Variants in CFAP251 observed in about 807,000 individuals in gnomAD.
The protein encoded by CFAP251 is cilia- and flagella-associated protein 251.
In CFAP251, 93 loss-of-function variants were observed where a neutral mutation model predicts 126.7. That is an observed-to-expected ratio of 0.73 (90% CI 0.62 to 0.87). The LOEUF (loss-of-function observed/expected upper bound fraction) is 0.87. Among genes scored for constraint, CFAP251 ranks in the 40% least tolerant of loss-of-function variants. The pLI is 0.00. For synonymous variants in CFAP251, 503 were observed against 506.9 expected (o/e 0.99, Z 0.10); for missense variants, 1,287 against 1,389.2 (o/e 0.93, Z 1.17).
intron 15 of CFAP251, among the ~76,000 whole-genome samples, chr12:121,964,872 C>T (rs1882067831): frequency 6.6e-6 from 1 of 152,116 alleles, no homozygotes; most frequent in African/African-American, 2.4e-5. Context: ...CACTTTACTC[C>T]AGCCTGGGCG....
intron 11 of CFAP251, among the ~76,000 whole-genome samples, chr12:121,957,635 C>T (rs947327726): frequency 2.8e-5 from 4 of 141,914 alleles, no homozygotes; most frequent in East Asian, 2.1e-4. Flanking sequence ...ACCCGGGAGA[C>T]GGAGCTTGCA....
chr12:121,933,077 G>A (rs1880755386), intron 4 of CFAP251: 2 of 152,216 alleles, frequency 1.3e-5, no homozygotes, highest in South Asian at 4.1e-4. Flanking sequence ...CAAAACAGAT[G>A]TATTCCCTGC....
chr12:121,954,392 G>T (rs1881641052), intron 10 of CFAP251, 58 bp downstream of exon 10: 2 of 1,443,278 alleles, frequency 1.4e-6, no homozygotes, highest in South Asian at 2.7e-5. Flanking sequence ...TTTTAAAATT[G>T]TTATGGGAGG....
intron 19 of CFAP251, among the ~76,000 whole-genome samples, chr12:121,987,480 T>C (rs932449501): frequency 6.6e-6 from 1 of 152,150 alleles, no homozygotes; most frequent in African/African-American, 2.4e-5. Context: ...TTTGGGAGGC[T>C]GAGGTGGGCG....
At chr12:121,993,958 G>A (rs1228749058) in intron 19 of CFAP251, among the ~76,000 whole-genome samples, 2 of 91,448 alleles carry the variant, frequency 2.2e-5, no homozygotes, top group African/African-American at 3.7e-5. Context: ...CCAGCACCCC[G>A]TCCGGGAGGG....
intron 9 of CFAP251, among the ~76,000 whole-genome samples, chr12:121,951,741 C>T (rs7138296): frequency 2.0e-5 from 3 of 151,614 alleles, no homozygotes; most frequent in African/African-American, 2.4e-5. Flanking sequence ...TTTTTTGAGA[C>T]GGAGTCTTGC....
At chr12:121,971,815 CCCGTGT>C in intron 17 of CFAP251, 1 of 531,102 alleles carries the variant, frequency 1.9e-6, no homozygotes, top group Non-Finnish European at 3.4e-6. Flanking sequence ...TCCGATAATT[CCCGTGT>C]ATGGTGGGAG....
At position 121,989,269 on chromosome 12, in the gene CFAP251, A is replaced by T. The variant is rs945335792; in HGVS notation, c.3007-10447A>T. ...TGAGACCTGGGCTCTGATGCAGGGC[A>T]GGGTGACAGTCACTCTAAAGGGCCC... On this transcript the variant is annotated intron_variant, in intron 19 of 21. Transcript: ENST00000288912. This position sits in a 1 kb window ranked among gnomAD's most constrained non-coding sequence, Gnocchi z 4.2. Among the ~76,000 whole-genome samples the T allele has an allele frequency of 1.3e-5, 2 of 152,222 alleles. No individual in the cohort carries two copies. Among genetic ancestry groups the T allele is most frequent in the Non-Finnish European group, 2.9e-5 (2 of 68,040 alleles).
intron 19 of CFAP251, among the ~76,000 whole-genome samples, chr12:121,985,474 C>A (rs1882723652): frequency 7.1e-6 from 1 of 139,876 alleles, no homozygotes; most frequent in African/African-American, 2.8e-5. Context: ...GCAGAGGTTG[C>A]AGTGAGCTGA....
chr12:121,976,795 G>C (rs2135800447), intron 19 of CFAP251, among the ~76,000 whole-genome samples: 1 of 152,130 alleles, frequency 6.6e-6, no homozygotes, highest in Non-Finnish European at 1.5e-5. Context: ...TGTGGTCCCA[G>C]CTGCTCAGGA....
Position 121,959,025 on chromosome 12 carries a change from T to C in CFAP251, c.2064T>C (p.Pro688=). Residue 688 remains proline (P), a synonymous_variant, in exon 13 of 22, where the codon CCT becomes CCC. Coordinates refer to ENST00000288912, the MANE Select transcript of CFAP251 (RefSeq NM_144668.6). ...AMSLENESPE[P]FKYSRTSVTH... ...CTTTAGAAAATGAAAGCCCAGAGCC[T>C]TTCAAATATTCCAGAACCAGTGTGA... 1 of 1,613,474 alleles carries C rather than the reference T, an allele frequency of 6.2e-7. No individual in the cohort carries two copies. The highest frequency in any genetic ancestry group is 8.5e-7 in the Non-Finnish European group (1 of 1,179,832).
At chr12:121,945,892 T>C (rs1200079494) in intron 7 of CFAP251, among the ~76,000 whole-genome samples, 3 of 151,706 alleles carry the variant, frequency 2.0e-5, no homozygotes, top group African/African-American at 7.3e-5. Flanking sequence ...GGTCTCAATC[T>C]CCTGACCTTG....
chr12:121,937,984 A>T (rs1452313225), intron 5 of CFAP251, among the ~76,000 whole-genome samples: 1 of 152,066 alleles, frequency 6.6e-6, no homozygotes, highest in Non-Finnish European at 1.5e-5. Flanking sequence ...AACAATGTAT[A>T]GTCTTTCATC....
chr12:121,929,818 C>T (rs1159842257), intron 3 of CFAP251, among the ~76,000 whole-genome samples: 1 of 152,066 alleles, frequency 6.6e-6, no homozygotes, highest in Non-Finnish European at 1.5e-5. Context: ...GCTGGGATTA[C>T]AGGCATGCGC....
intron 6 of CFAP251, 61 bp downstream of exon 6, chr12:121,942,706 C>T: frequency 1.5e-6 from 2 of 1,377,366 alleles, no homozygotes; most frequent in South Asian, 1.2e-5. Flanking sequence ...CAGCGTGTCC[C>T]CATGGGCAGC....
At chr12:121,975,801 T>A in intron 19 of CFAP251, 116 bp downstream of exon 19, 2 of 1,138,366 alleles carry the variant, frequency 1.8e-6, no homozygotes, top group Non-Finnish European at 1.2e-6. Context: ...CATAAATGGA[T>A]CAGAAAGATG....
chr12:121,984,812 AC>A (rs1397815686), intron 19 of CFAP251, among the ~76,000 whole-genome samples: 1 of 152,174 alleles, frequency 6.6e-6, no homozygotes, highest in Non-Finnish European at 1.5e-5. Context: ...CTTACTTGCA[AC>A]TTCACTTCTT....
chr12:121,928,640 A>ATACG (rs1306838917), intron 3 of CFAP251, among the ~76,000 whole-genome samples: 1 of 16,094 alleles, frequency 6.2e-5, no homozygotes, highest in Non-Finnish European at 1.1e-4. Flanking sequence ...ATATATACGT[A>ATACG]TATATATATA....
In CFAP251 at chr12:122,003,715, A is replaced by G; in HGVS notation, c.3401A>G (p.Glu1134Gly). ...ATCACTGCAGAAATATTCGCGACTGAAATTCTTGGCTTAACCATTTCAGAA... is the reference window on the plus strand; with the variant it reads ...ATCACTGCAGAAATATTCGCGACTGGAATTCTTGGCTTAACCATTTCAGAA... The part of the protein sequence containing the change: ...DEITAEIFAT[E>G]ILGLTISEDS... The change falls in exon 22 of 22, where the codon GAA (glutamate) becomes GGA (glycine). Residue 1134 changes from glutamate to glycine, a missense_variant. Physicochemically the swap from Glu to Gly is moderately conservative, Grantham distance 98. Transcript: ENST00000288912. 1 of 1,610,188 alleles carries G rather than the reference A, an allele frequency of 6.2e-7. No individual in the cohort carries two copies.
Sources: allele counts gnomAD v4.1 joint callset (sites outside exome capture counted in the v4.1 genomes callset), GRCh38; gene constraint gnomAD v4.1.1; non-coding constraint Gnocchi (gnomAD v3.1); transcripts MANE v1.5; gene names NCBI Gene and HGNC (gene_info 2026-07-23, HGNC 2026-07-21).